The following LRRC71 variants were observed in gnomAD, a reference collection of about 807,000 sequenced individuals.
LRRC71 encodes the protein leucine rich repeat containing 71, also known as leucine-rich repeat-containing protein 71.
A neutral mutation model predicts 66.6 loss-of-function variants in LRRC71; 54 were observed. That is an observed-to-expected ratio of 0.81 (90% confidence interval 0.65 to 1.02). The LOEUF (loss-of-function observed/expected upper bound fraction) is 1.02, where lower values mean the gene tolerates loss of function less well. Ranked by LOEUF, LRRC71 falls within the 50% of genes least tolerant of loss-of-function variation. The probability of loss-of-function intolerance (pLI) is 0.00; values close to 1 mark genes in which losing one functional copy is unlikely to be tolerated. For missense variants in LRRC71, 724 were observed against 718.0 expected (o/e 1.01, Z -0.10); for synonymous variants, 323 against 303.9 (o/e 1.06, Z -0.65).
chr1:156,936,339 G>A, downstream of LRRC71: 1 of 575,256 alleles, frequency 1.7e-6, no homozygotes, highest in Non-Finnish European at 3.4e-6. Context: ...CATTTAATCA[G>A]CACGAGTCTT....
At chr1:156,934,908 ATTATC>A (rs1654797413), downstream of LRRC71, 3 of 149,960 alleles carry the variant, frequency 2.0e-5, no homozygotes, top group South Asian at 2.1e-4. Flanking sequence ...AAGAGTATAC[ATTATC>A]TTAACAGCAG....
intron 2 of LRRC71, 124 bp from the exon 3 acceptor site, chr1:156,924,298 CAG>C: frequency 7.3e-7 from 1 of 1,379,258 alleles, no homozygotes; most frequent in Non-Finnish European, 9.7e-7. Flanking sequence ...GCCGGAGAGG[CAG>C]AGTCCGCAGG....
the LRRC71 span, chr1:156,938,891 C>T: frequency 4.4e-6 from 1 of 227,464 alleles, no homozygotes; most frequent in Admixed American, 5.6e-5. Flanking sequence ...CCTCTCAGAC[C>T]AGCCCACTCT....
intron 9 of LRRC71, among the ~76,000 whole-genome samples, chr1:156,928,323 TTC>T (rs911102630): frequency 4.2e-5 from 6 of 143,156 alleles, no homozygotes; most frequent in Non-Finnish European, 9.1e-5. Flanking sequence ...CTTCTTCTTC[TTC>T]TTTCTTTTTT....
At chr1:156,939,953 ACAC>A in the LRRC71 span, 8 of 1,587,768 alleles carry the variant, frequency 5.0e-6, no homozygotes, top group Non-Finnish European at 6.8e-6. Flanking sequence ...ATGGGACTGC[ACAC>A]CACGCCAGAA....
chr1:156,930,527 A>G lies in LRRC71; in HGVS notation c.1241-2A>G, dbSNP rs367996310. Reference sequence around the variant, plus strand: ...GCATTCTGGCTCCTCTTCTGGCCCCAGAGGTAACCATCCCTGAACAGAAGC... The same window carrying G: ...GCATTCTGGCTCCTCTTCTGGCCCCGGAGGTAACCATCCCTGAACAGAAGC... On this transcript the variant is annotated splice_acceptor_variant, in intron 11 of 14. Transcript: ENST00000337428. LOFTEE classifies it high-confidence loss of function. 85 of 1,558,802 alleles carry G rather than the reference A, an allele frequency of 5.5e-5. No individual in the cohort carries two copies. The highest frequency in any genetic ancestry group is 7.2e-5 in the Non-Finnish European group (83 of 1,151,244).
chr1:156,940,493 C>G, the LRRC71 span: 1 of 1,446,722 alleles, frequency 6.9e-7, no homozygotes, highest in South Asian at 1.4e-5. Context: ...AGCCTATGGG[C>G]AGCTTTGGAG....
In LRRC71 at chr1:156,932,152, C is replaced by T. The variant is rs1336289328; in HGVS notation, c.1441+125C>T. ...TCCCATCTTTGGGCTACATGTCCCC[C>T]AAGGCTCTCTGGCACAGGGCTGGAG... On this transcript the variant is annotated intron_variant, in intron 13 of 14. Coordinates refer to ENST00000337428, the MANE Select transcript of LRRC71 (RefSeq NM_144702.3). 23 of 816,480 alleles carry T rather than the reference C, an allele frequency of 2.8e-5. No homozygotes were observed. In the East Asian group the frequency reaches 6.1e-4, roughly 22 times the overall value. The allele number at this position is 816,480 out of a possible 1,614,324, so 50.6% of individuals were successfully genotyped here.
intron 11 of LRRC71, among the ~76,000 whole-genome samples, chr1:156,929,996 G>C (rs1395074057): frequency 1.3e-5 from 2 of 150,754 alleles, no homozygotes; most frequent in Non-Finnish European, 3.0e-5. Flanking sequence ...CCTAGCTGGG[G>C]CCCCCTCCAG....
chr1:156,937,031 T>G, downstream of LRRC71: 1 of 1,607,180 alleles, frequency 6.2e-7, no homozygotes, highest in Non-Finnish European at 8.5e-7. Flanking sequence ...GGGGAATGTC[T>G]GCTCGAGTCC....
intron 13 of LRRC71, 140 bp downstream of exon 13, chr1:156,932,167 C>T (rs972527104): frequency 2.6e-6 from 2 of 760,820 alleles, no homozygotes; most frequent in African/African-American, 3.5e-5. Context: ...CTCTCTGGCA[C>T]AGGGCTGGAG....
At chr1:156,939,432 G>T in the LRRC71 span, 1 of 1,444,992 alleles carries the variant, frequency 6.9e-7, no homozygotes. Flanking sequence ...ACCCAGCGTA[G>T]GTCTCTGCTC....
chr1:156,932,949 G>A lies in LRRC71; in HGVS notation c.1660G>A (p.Ala554Thr). Residue 554 changes from alanine (A) to threonine (T), a missense_variant, in exon 15 of 15, where the codon GCC becomes ACC. Physicochemically the swap from Ala to Thr is moderately conservative, Grantham distance 58. Coordinates refer to ENST00000337428, the MANE Select transcript of LRRC71 (RefSeq NM_144702.3). ...PIKAKLREDE[A>T]MAFFP is the part of the protein sequence containing the mutation. ...CAAGGCCAAACTCAGGGAGGATGAG[G>A]CCATGGCATTCTTCCCCTAGCCCCC... is the stretch of plus-strand genomic sequence containing the variant. 6.3e-7 allele frequency: 1 copy of A among 1,580,484 alleles called. No individual in the cohort carries two copies. The highest frequency in any genetic ancestry group is 8.6e-7 in the Non-Finnish European group (1 of 1,162,808).
rs775545233 is a variant in LRRC71, at chr1:156,933,000, G to C, written c.*31G>C. On this transcript the variant is annotated 3_prime_UTR_variant, in exon 15 of 15. Coordinates refer to ENST00000337428, the MANE Select transcript of LRRC71 (RefSeq NM_144702.3). Reference sequence around the variant, plus strand: ...TCCCACCTGCTTGCCTCTAAGACTCGGGGCTACAGAAGCACCTCCTGTCCC... The same window carrying C: ...TCCCACCTGCTTGCCTCTAAGACTCCGGGCTACAGAAGCACCTCCTGTCCC... 8.5e-5 allele frequency: 128 copies of C among 1,512,266 alleles called. No individual in the cohort carries two copies. In the South Asian group the frequency reaches 1.4e-3, roughly 16 times the overall value. The allele number at this position is 1,512,266 out of a possible 1,614,324, so 93.7% of individuals were successfully genotyped here. A position where few individuals can be genotyped will look rare whatever the true frequency, so the allele number is the denominator to read the frequency against.
chr1:156,931,185 C>T (rs1354422297), intron 12 of LRRC71, among the ~76,000 whole-genome samples: 6 of 152,146 alleles, frequency 3.9e-5, no homozygotes, highest in Non-Finnish European at 8.8e-5. Flanking sequence ...GCCTTCAGTG[C>T]TCTTATGGTC....
chr1:156,924,336 C>T (rs1652860635), intron 2 of LRRC71, 88 bp from the exon 3 acceptor site: 7 of 1,495,098 alleles, frequency 4.7e-6, no homozygotes, highest in Non-Finnish European at 6.3e-6. Context: ...TGGCGGTGTC[C>T]TCCAATCCCA....
At position 156,924,564 on chromosome 1, in the gene LRRC71, T is replaced by TAC; in HGVS notation, c.439+12_439+13insAC. On this transcript the variant is annotated intron_variant, in intron 3 of 14. Coordinates refer to ENST00000337428, the MANE Select transcript of LRRC71 (RefSeq NM_144702.3). ...AATCTACATCCGCGGTGAGCCCCGCTCCCCCCACCCGCCCCAGCTCCCTCC... is the reference window on the plus strand; with the variant it reads ...AATCTACATCCGCGGTGAGCCCCGCTACCCCCCCACCCGCCCCAGCTCCCTCC... 6.5e-6 allele frequency: 10 copies of TAC among 1,531,576 alleles called. No individual in the cohort carries two copies. Among genetic ancestry groups the TAC allele is most frequent in the Non-Finnish European group, 8.8e-6 (10 of 1,131,736 alleles). 94.9% of individuals were successfully genotyped at this position (1,531,576 alleles called of 1,614,324 possible).
Position 156,927,248 on chromosome 1 carries a change from A to G in LRRC71, c.640A>G (p.Lys214Glu), listed in dbSNP as rs1653340040. ...CCCACTGCCGGAGCAGTCCTATCAC[A>G]AGCTCATGGCCTTGGACAGCACGTG... ...GNPLPEQSYH[K>E]LMALDSTIAH... Residue 214 changes from lysine to glutamate, a missense_variant, in exon 6 of 15, where the codon AAG (lysine) becomes GAG (glutamate). Physicochemically the swap from Lys to Glu is moderately conservative, Grantham distance 56 (BLOSUM62 1). Transcript: ENST00000337428. 6.2e-7 allele frequency: 1 copy of G among 1,613,504 alleles called. No homozygotes were observed. The highest frequency in any genetic ancestry group is 1.3e-5 in the African/African-American group (1 of 74,816).
rs757600823 is a variant in LRRC71, at chr1:156,932,410, G to A, written c.1442-14G>A. The A allele has an allele frequency of 3.1e-6, 5 of 1,609,808 alleles. No homozygotes were observed. Among genetic ancestry groups the A allele is most frequent in the South Asian group, 2.2e-5 (2 of 90,840 alleles). On this transcript the variant is annotated splice_polypyrimidine_tract_variant and intron_variant, in intron 13 of 14. Coordinates refer to ENST00000337428, the MANE Select transcript of LRRC71 (RefSeq NM_144702.3). ...TGTGGTGCTAAGAGGCCACCTGTCT[G>A]TAACTTCCACCAGGGAACCGCATCA...
Sources: allele counts gnomAD v4.1 joint callset (sites outside exome capture counted in the v4.1 genomes callset), GRCh38; gene constraint gnomAD v4.1.1; transcripts MANE v1.5; gene names NCBI Gene and HGNC (gene_info 2026-07-23, HGNC 2026-07-21).